Variants in MYMX observed in about 807,000 individuals in gnomAD.
MYMX encodes the protein myomixer, myoblast fusion factor, also known as protein myomixer.
chr6:44,212,927 C>G (rs1775674392), upstream of MYMX, among the ~76,000 whole-genome samples: 1 of 150,882 alleles, frequency 6.6e-6, no homozygotes, highest in Non-Finnish European at 1.5e-5. Flanking sequence ...ACTGTGGAGA[C>G]TGAGGTGGGA....
chr6:44,202,905 C>G, the MYMX span, among the ~76,000 whole-genome samples: 1 of 152,186 alleles, frequency 6.6e-6, no homozygotes, highest in East Asian at 1.9e-4. Flanking sequence ...ATCCCAGGCC[C>G]AGGAATCTCT....
chr6:44,195,159 C>T, the MYMX span, among the ~76,000 whole-genome samples: 1 of 152,082 alleles, frequency 6.6e-6, no homozygotes, highest in South Asian at 2.1e-4. Context: ...GCTGGGATTA[C>T]AGGTGCGCAC....
upstream of MYMX, among the ~76,000 whole-genome samples, chr6:44,212,398 C>A (rs1457265329): frequency 7.1e-6 from 1 of 141,552 alleles, no homozygotes; most frequent in Non-Finnish European, 1.5e-5. Context: ...GAGTAAGACC[C>A]TGTCTCAAAA....
upstream of MYMX, among the ~76,000 whole-genome samples, chr6:44,214,142 T>C (rs1262555232): frequency 1.3e-5 from 2 of 152,212 alleles, no homozygotes; most frequent in African/African-American, 4.8e-5. Context: ...GCTCATGTTT[T>C]ATAAGCATCA....
the MYMX span, among the ~76,000 whole-genome samples, chr6:44,211,052 T>C: frequency 6.6e-6 from 1 of 152,266 alleles, no homozygotes; most frequent in African/African-American, 2.4e-5. Flanking sequence ...GAGTTTGAGG[T>C]TGCAGTGAGC....
chr6:44,202,342 TG>T, the MYMX span, among the ~76,000 whole-genome samples: 3 of 152,052 alleles, frequency 2.0e-5, no homozygotes, highest in African/African-American at 7.2e-5. Context: ...CCTGGGCATC[TG>T]GGGAGTGGAC....
the MYMX span, chr6:44,210,147 G>T: frequency 6.6e-6 from 1 of 151,652 alleles, no homozygotes; most frequent in East Asian, 2.0e-4. Flanking sequence ...GGGTTTCACC[G>T]TGTTAGCAGG....
At chr6:44,213,515 G>A (rs540668420), upstream of MYMX, among the ~76,000 whole-genome samples, 2 of 151,098 alleles carry the variant, frequency 1.3e-5, no homozygotes, top group African/African-American at 2.4e-5. Context: ...TCCGCCTCCC[G>A]GGCTCAAGCA....
At chr6:44,195,695 T>A in the MYMX span, among the ~76,000 whole-genome samples, 1 of 152,236 alleles carries the variant, frequency 6.6e-6, no homozygotes, top group Non-Finnish European at 1.5e-5. Context: ...TCATGTATCA[T>A]AAATTCTTAC....
At chr6:44,200,721 TC>T in the MYMX span, among the ~76,000 whole-genome samples, 1 of 152,210 alleles carries the variant, frequency 6.6e-6, no homozygotes, top group South Asian at 2.1e-4. Context: ...CTCCTCAAGC[TC>T]CTCTGTCCAC....
At chr6:44,203,653 C>T in the MYMX span, among the ~76,000 whole-genome samples, 1 of 152,040 alleles carries the variant, frequency 6.6e-6, no homozygotes. Context: ...GTTTAGGAAC[C>T]AAAATAAGGC....
At chr6:44,212,562 C>A (rs1377035880), upstream of MYMX, among the ~76,000 whole-genome samples, 2 of 151,222 alleles carry the variant, frequency 1.3e-5, no homozygotes, top group Non-Finnish European at 2.9e-5. Flanking sequence ...CACTTTGTAT[C>A]CCATAAATAT....
the MYMX span, among the ~76,000 whole-genome samples, chr6:44,193,764 C>T: frequency 6.6e-6 from 1 of 152,176 alleles, no homozygotes; most frequent in Non-Finnish European, 1.5e-5. Flanking sequence ...TGGTGGATCA[C>T]CTGAGGTCAG....
At chr6:44,194,718 C>T in the MYMX span, among the ~76,000 whole-genome samples, 1 of 152,172 alleles carries the variant, frequency 6.6e-6, no homozygotes, top group Non-Finnish European at 1.5e-5. Flanking sequence ...CTGCCAGCAC[C>T]GCACTCCCTA....
chr6:44,203,177 G>C, the MYMX span, among the ~76,000 whole-genome samples: 1 of 152,190 alleles, frequency 6.6e-6, no homozygotes, highest in Non-Finnish European at 1.5e-5. Flanking sequence ...ACTCTCTCCA[G>C]CTGTCTGTGC....
the MYMX span, among the ~76,000 whole-genome samples, chr6:44,198,352 A>G: frequency 1.3e-5 from 2 of 151,310 alleles, no homozygotes; most frequent in Non-Finnish European, 2.9e-5. Context: ...TTTTTAGTAG[A>G]GATGGGGTTT....
the MYMX span, among the ~76,000 whole-genome samples, chr6:44,199,622 A>G: frequency 2.0e-5 from 3 of 152,298 alleles, no homozygotes; most frequent in South Asian, 4.1e-4. Context: ...CAGAAAGACA[A>G]AAAACACAGA....
the MYMX span, among the ~76,000 whole-genome samples, chr6:44,196,257 T>C: frequency 1.3e-5 from 2 of 152,214 alleles, no homozygotes; most frequent in African/African-American, 2.4e-5. Context: ...GTATCATATC[T>C]ATGGGAGTTT....
At chr6:44,193,706 G>A in the MYMX span, among the ~76,000 whole-genome samples, 1 of 152,216 alleles carries the variant, frequency 6.6e-6, no homozygotes, top group African/African-American at 2.4e-5. Flanking sequence ...TTTCTGGCCA[G>A]GCGCGGTGAC....
Sources: gnomAD v4.1 joint callset for allele counts (sites outside exome capture counted in the v4.1 genomes callset) on GRCh38, gnomAD v4.1.1 for gene constraint, MANE v1.5 for transcripts, NCBI Gene and HGNC (gene_info 2026-07-23, HGNC 2026-07-21) for gene names.